The following SLC35F4 variants were observed in gnomAD, a reference collection of about 807,000 sequenced individuals.
The protein encoded by SLC35F4 is chromosome 14 open reading frame 36.
A neutral mutation model predicts 44.2 loss-of-function variants in SLC35F4; 24 were observed. The ratio of observed to expected loss-of-function variants is 0.54; its 90% CI spans 0.39 to 0.76. SLC35F4 has a LOEUF of 0.76. Ranked by LOEUF, SLC35F4 falls within the 30% of genes least tolerant of loss-of-function variation. SLC35F4 has a pLI of 0.00. For synonymous variants in SLC35F4, 238 were observed against 223.6 expected, an observed-to-expected ratio of 1.06 and a Z score of -0.57; for missense variants, 562 against 586.1, an observed-to-expected ratio of 0.96 and a Z score of 0.42.
chr14:57,943,922 C>A (rs1320039795), intron 1 of SLC35F4, among the ~76,000 whole-genome samples: 4 of 152,158 alleles, frequency 2.6e-5, no homozygotes, highest in African/African-American at 9.7e-5. Flanking sequence ...TTCATTAACA[C>A]CTGCTTTGTT....
intron 1 of SLC35F4, among the ~76,000 whole-genome samples, chr14:57,970,632 C>G (rs1290894223): frequency 6.6e-6 from 1 of 152,068 alleles, no homozygotes; most frequent in Non-Finnish European, 1.5e-5. Flanking sequence ...GTTTTATCCC[C>G]CCGTAGGTAA....
At chr14:57,644,023 G>A (rs1566718938) in intron 1 of SLC35F4, among the ~76,000 whole-genome samples, 1 of 152,130 alleles carries the variant, frequency 6.6e-6, no homozygotes, top group Non-Finnish European at 1.5e-5. Context: ...ATCATTGTTG[G>A]ACATTTGGGT....
chr14:57,746,653 G>A (rs1441801770), intron 1 of SLC35F4, among the ~76,000 whole-genome samples: 1 of 152,008 alleles, frequency 6.6e-6, no homozygotes, highest in Non-Finnish European at 1.5e-5. Flanking sequence ...ATAAAAAAGT[G>A]CAAAAAAATG....
At chr14:57,944,169 A>G (rs1180878599) in intron 1 of SLC35F4, among the ~76,000 whole-genome samples, 1 of 152,210 alleles carries the variant, frequency 6.6e-6, no homozygotes, top group African/African-American at 2.4e-5. Context: ...TCATTCCAGT[A>G]TCGTCAAGTA....
At chr14:57,827,855 T>C (rs1193804678) in intron 1 of SLC35F4, among the ~76,000 whole-genome samples, 2 of 151,260 alleles carry the variant, frequency 1.3e-5, no homozygotes, top group Admixed American at 6.6e-5. Flanking sequence ...AACTTGGACA[T>C]GCTATTTTTC....
intron 1 of SLC35F4, among the ~76,000 whole-genome samples, chr14:57,791,050 A>G (rs900618853): frequency 1.3e-5 from 2 of 152,226 alleles, no homozygotes; most frequent in Non-Finnish European, 2.9e-5. Flanking sequence ...AAGCTAGGCA[A>G]TACCATTCAG....
intron 1 of SLC35F4, among the ~76,000 whole-genome samples, chr14:57,694,327 T>C (rs952213120): frequency 6.6e-6 from 1 of 152,178 alleles, no homozygotes; most frequent in Non-Finnish European, 1.5e-5. Context: ...AATAATCAAA[T>C]AGGTATTTAT....
chr14:57,893,306 A>C (rs1472956723), intron 1 of SLC35F4, among the ~76,000 whole-genome samples: 1 of 152,210 alleles, frequency 6.6e-6, no homozygotes, highest in Admixed American at 6.6e-5. Flanking sequence ...AATAGCTATC[A>C]TACATTAAGC....
intron 1 of SLC35F4, among the ~76,000 whole-genome samples, chr14:57,704,866 C>T (rs927382254): frequency 1.3e-5 from 2 of 152,256 alleles, no homozygotes; most frequent in African/African-American, 4.8e-5. Context: ...CAGGCAGAAG[C>T]TCACCCTGCA....
rs528576713 is a variant in SLC35F4, at chr14:57,678,036, C to T, written c.104-83912G>A. ...AAATACAGAGAATATCACAAAGATA[C>T]TCCTTGAGAAGAGCAACCCCAAGAC... is the stretch of plus-strand genomic sequence containing the variant. On this transcript the variant is annotated intron_variant, in intron 1 of 7. Coordinates refer to ENST00000556826, the MANE Select transcript of SLC35F4 (RefSeq NM_001306087.2). Among the ~76,000 whole-genome samples, 7 of 152,116 alleles carry T rather than the reference C, an allele frequency of 4.6e-5. No homozygotes were observed. The South Asian group carries it at 1.5e-3, about 32-fold the overall frequency.
In SLC35F4 at chr14:57,571,972, A is replaced by G. The variant is rs1183503604; in HGVS notation, c.855T>C (p.Tyr285=). ...TGGAATCAGCGTGGAAATTATCTGC[A>G]TATGCCATCATGACAATGCCGGTAA... ...MAITGIVMMA[Y]ADNFHADSII... The change falls in exon 5 of 8, where the codon TAT becomes TAC. Residue 285 remains tyrosine, a synonymous_variant. Coordinates refer to ENST00000556826, the MANE Select transcript of SLC35F4 (RefSeq NM_001306087.2). 2 of 1,612,140 alleles carry G rather than the reference A, an allele frequency of 1.2e-6. No individual in the cohort carries two copies. Among genetic ancestry groups the G allele is most frequent in the Admixed American group, 3.3e-5 (2 of 59,792 alleles).
At chr14:57,973,922 C>G (rs1167639669), downstream of SLC35F4, among the ~76,000 whole-genome samples, 2 of 152,134 alleles carry the variant, frequency 1.3e-5, no homozygotes, top group South Asian at 4.1e-4. Context: ...CTGTCATCTC[C>G]AACCCCACCA....
At chr14:57,588,717 T>C (rs2069957250) in intron 3 of SLC35F4, among the ~76,000 whole-genome samples, 1 of 152,160 alleles carries the variant, frequency 6.6e-6, no homozygotes, top group African/African-American at 2.4e-5. Context: ...TTGCATGAAA[T>C]CAGGCCATGT....
rs1326858553 is a variant in SLC35F4 at position 57,865,878 on chromosome 14, G to A, written c.-53C>T. The A allele has an allele frequency of 7.5e-7, 1 of 1,332,902 alleles. No homozygotes were observed. Among genetic ancestry groups the A allele is most frequent in the Non-Finnish European group, 1.0e-6 (1 of 996,540 alleles). The allele number at this position is 1,332,902 out of a possible 1,614,324, so 82.6% of individuals were successfully genotyped here. A position where few individuals can be genotyped will look rare whatever the true frequency, so the allele number is the denominator to read the frequency against. The stretch of plus-strand genomic sequence containing the variant: ...GCGGCGGGGCGGAGAGCGCAGCGCG[G>A]GGCCCGGGAGCTGGTGCAGGTGCCG... On this transcript the variant is annotated 5_prime_UTR_variant, in exon 1 of 8. Transcript: ENST00000556826.
chr14:57,794,545 T>A (rs892139925), intron 1 of SLC35F4, among the ~76,000 whole-genome samples: 1 of 152,062 alleles, frequency 6.6e-6, no homozygotes, highest in Non-Finnish European at 1.5e-5. Context: ...CAAAAATTAA[T>A]AGATAATAGC....
At chr14:57,819,206 A>C (rs1882913555) in intron 1 of SLC35F4, among the ~76,000 whole-genome samples, 3 of 152,208 alleles carry the variant, frequency 2.0e-5, no homozygotes, top group South Asian at 2.1e-4. Context: ...TCATATTCTA[A>C]AACCAATAAC....
chr14:57,656,673 C>T (rs115948884), intron 1 of SLC35F4, among the ~76,000 whole-genome samples: 85 of 152,144 alleles, frequency 5.6e-4, no homozygotes, highest in African/African-American at 2.0e-3. Flanking sequence ...GATAACAGGA[C>T]GTACCTCAAC....
chr14:57,660,847 G>A (rs1278921434), intron 1 of SLC35F4, among the ~76,000 whole-genome samples: 1 of 152,020 alleles, frequency 6.6e-6, no homozygotes, highest in Non-Finnish European at 1.5e-5. Context: ...AAGAGACCTG[G>A]GGCGAGAAAC....
chr14:57,817,640 T>G (rs1324133224), intron 1 of SLC35F4, among the ~76,000 whole-genome samples: 2 of 151,798 alleles, frequency 1.3e-5, no homozygotes, highest in Non-Finnish European at 2.9e-5. Context: ...TCTTCAGGGT[T>G]TTACAAGCAG....
Sources: allele counts gnomAD v4.1 joint callset (sites outside exome capture counted in the v4.1 genomes callset), GRCh38; gene constraint gnomAD v4.1.1; transcripts MANE v1.5; gene names NCBI Gene and HGNC (gene_info 2026-07-23, HGNC 2026-07-21).